Variants in PDZD2 observed in about 807,000 individuals in gnomAD.
PDZD2 encodes PDZ domain-containing protein 2.
Under a neutral mutation model 220.7 loss-of-function variants are expected in PDZD2, and 90 were observed. The ratio of observed to expected loss-of-function variants is 0.41; its 90% CI spans 0.34 to 0.49. PDZD2 has a LOEUF of 0.49. Ranked by LOEUF, PDZD2 falls within the 20% of genes least tolerant of loss-of-function variation. The pLI is 0.28. For synonymous variants in PDZD2, 1,375 were observed against 1,450.5 expected, an observed-to-expected ratio of 0.95 and a Z score of 1.18; for missense variants, 3,174 against 3,608.5, an observed-to-expected ratio of 0.88 and a Z score of 3.08.
intron 2 of PDZD2, among the ~76,000 whole-genome samples, chr5:31,841,931 AT>A (rs1457127532): frequency 6.6e-6 from 1 of 152,004 alleles, no homozygotes; most frequent in Non-Finnish European, 1.5e-5. Context: ...AGATCATGCC[AT>A]TGCACTCCAG....
At chr5:31,920,308 A>C (rs1744103605) in intron 2 of PDZD2, among the ~76,000 whole-genome samples, 1 of 150,828 alleles carries the variant, frequency 6.6e-6, no homozygotes. Context: ...ATAAATAAAT[A>C]AATAATTTTT....
intron 2 of PDZD2, among the ~76,000 whole-genome samples, chr5:31,903,059 C>T (rs1169609984): frequency 2.0e-5 from 3 of 151,664 alleles, no homozygotes; most frequent in Non-Finnish European, 4.4e-5. Flanking sequence ...TTTTGGGAGG[C>T]GGAGGTGGGT....
At chr5:31,857,863 G>A (rs995635266) in intron 2 of PDZD2, among the ~76,000 whole-genome samples, 2 of 152,092 alleles carry the variant, frequency 1.3e-5, no homozygotes, top group African/African-American at 4.8e-5. Flanking sequence ...GAGTCTCGTT[G>A]TCACCCAGGC....
intron 2 of PDZD2, among the ~76,000 whole-genome samples, chr5:31,955,189 A>G (rs769323439): frequency 7.9e-4 from 120 of 152,066 alleles, no homozygotes; most frequent in Non-Finnish European, 9.7e-4. Flanking sequence ...AGCTGAGCCT[A>G]TGCGCTGACA....
chr5:31,687,762 T>C (rs937294372), intron 1 of PDZD2, among the ~76,000 whole-genome samples: 1 of 152,228 alleles, frequency 6.6e-6, no homozygotes, highest in Non-Finnish European at 1.5e-5. Context: ...CCACCTTCTC[T>C]TCTCACTGTG....
chr5:31,864,064 T>C (rs1206332785), intron 2 of PDZD2, among the ~76,000 whole-genome samples: 1 of 152,156 alleles, frequency 6.6e-6, no homozygotes, highest in Non-Finnish European at 1.5e-5. Context: ...TTTTTCTGTT[T>C]CTGGTTGGGT....
intron 14 of PDZD2, among the ~76,000 whole-genome samples, chr5:32,068,840 C>CAT (rs1554036768): frequency 1.3e-5 from 2 of 151,660 alleles, no homozygotes; most frequent in African/African-American, 4.9e-5. Flanking sequence ...ATTCTGTGTG[C>CAT]GTGTGTGTGT....
chr5:31,720,416 C>T (rs577021480), intron 1 of PDZD2, among the ~76,000 whole-genome samples: 21 of 152,286 alleles, frequency 1.4e-4, no homozygotes, highest in Admixed American at 5.9e-4. Context: ...ATGCTATACT[C>T]GAGGTATGCT....
chr5:31,684,669 A>T (rs78107628), intron 1 of PDZD2, among the ~76,000 whole-genome samples: 3,665 of 151,870 alleles, frequency 0.024, 168 homozygotes, highest in African/African-American at 0.083. Context: ...CTCACCAGCC[A>T]CTGCAAGGTT....
intron 6 of PDZD2, among the ~76,000 whole-genome samples, chr5:32,024,271 T>C (rs1046107018): frequency 1.3e-5 from 2 of 152,192 alleles, no homozygotes; most frequent in Admixed American, 6.6e-5. Context: ...AAAAGAATTT[T>C]GTGCTAGTTT....
chr5:32,000,241 G>C lies in PDZD2; in HGVS notation c.1224G>C (p.Thr408=). 4 of 1,614,140 alleles carry C rather than the reference G, an allele frequency of 2.5e-6. No individual in the cohort carries two copies. The highest frequency in any genetic ancestry group is 3.4e-6 in the Non-Finnish European group (4 of 1,180,004). The part of the protein sequence containing the change: ...EEAVAILRSA[T]GMVQLVVASK... ...CAGTGGCCATTCTTCGCTCCGCCAC[G>C]GGAATGGTGCAGCTTGTGGTGGCCA... Residue 408 remains threonine (T), a synonymous_variant, in exon 5 of 25, where the codon ACG becomes ACC. Transcript: ENST00000438447. The surrounding 1 kb of genome is among the most constrained non-coding windows in gnomAD (Gnocchi z 4.5).
intron 2 of PDZD2, among the ~76,000 whole-genome samples, chr5:31,888,312 C>T (rs927996456): frequency 2.0e-5 from 3 of 152,184 alleles, no homozygotes. Flanking sequence ...CCTGCCTCAG[C>T]CTCCTGAGTA....
intron 2 of PDZD2, among the ~76,000 whole-genome samples, chr5:31,891,183 C>G (rs1328076004): frequency 1.5e-5 from 2 of 130,178 alleles, no homozygotes; most frequent in Non-Finnish European, 3.1e-5. Context: ...GTCGCCCAGG[C>G]TGGAGTGCAA....
rs1025669574 is a variant in PDZD2, at chr5:31,736,313, T to C, written c.-360-62576T>C. ...ACAGGGCTCGTGGGTGCTACGGCAG[T>C]GTATGAGGATCTGTTACAGGCTCGG... On this transcript the variant is annotated intron_variant, in intron 1 of 24. Transcript: ENST00000438447. Among the ~76,000 whole-genome samples, 8 of 152,146 alleles carry C rather than the reference T, an allele frequency of 5.3e-5. No homozygotes were observed. The South Asian group carries it at 1.2e-3, about 24-fold the overall frequency.
chr5:31,864,839 CTTTTTTTTTTT>C (rs70955752), intron 2 of PDZD2, among the ~76,000 whole-genome samples: 2 of 70,932 alleles, frequency 2.8e-5, no homozygotes, highest in African/African-American at 1.2e-4. Context: ...TGAGATTTGT[CTTTTTTTTTTT>C]TTTTTTTTTT....
rs542657192 is a variant in PDZD2, at chr5:31,983,497, C to G, written c.819C>G (p.Leu273=). 3.7e-6 allele frequency: 6 copies of G among 1,614,210 alleles called. No homozygotes were observed. The East Asian group carries it at 1.1e-4, about 30-fold the overall frequency. Residue 273 remains leucine, a synonymous_variant, in exon 3 of 25, where the codon CTC becomes CTG. Transcript: ENST00000438447. The part of the protein sequence containing the change: ...VFQLENGPDS[L]KEVAGPHLER... ...AGCTAGAAAATGGCCCAGATTCTCT[C>G]AAGGAGGTGGCTGGACCCCATCTAG...
chr5:31,698,483 C>T lies in PDZD2; in HGVS notation c.-361+59046C>T, dbSNP rs562054494. Among the ~76,000 whole-genome samples, 13 of 151,046 alleles carry T rather than the reference C, an allele frequency of 8.6e-5. No homozygotes were observed. In the East Asian group the frequency reaches 2.4e-3, roughly 28 times the overall value. ...GCGTGGTAGCGGGCGCCTGTAGTCC[C>T]AGCTACTCGGGAGGCTGAGGCAGGA... On this transcript the variant is annotated intron_variant, in intron 1 of 24. Coordinates refer to ENST00000438447, the MANE Select transcript of PDZD2 (RefSeq NM_178140.4).
intron 1 of PDZD2, among the ~76,000 whole-genome samples, chr5:31,766,209 T>C (rs1476185371): frequency 6.6e-6 from 1 of 152,050 alleles, no homozygotes; most frequent in Non-Finnish European, 1.5e-5. Context: ...AAATTCTGCC[T>C]GATTGGTTTT....
At chr5:32,064,032 C>T (rs937842179) in intron 14 of PDZD2, among the ~76,000 whole-genome samples, 2 of 152,198 alleles carry the variant, frequency 1.3e-5, no homozygotes, top group Admixed American at 6.5e-5. Context: ...GCGTCACACT[C>T]TTGGACCCAT....
Sources: allele counts gnomAD v4.1 joint callset (sites outside exome capture counted in the v4.1 genomes callset), GRCh38; gene constraint gnomAD v4.1.1; non-coding constraint Gnocchi (gnomAD v3.1); transcripts MANE v1.5; gene names NCBI Gene and HGNC (gene_info 2026-07-23, HGNC 2026-07-21).